The following PTPRD variants were observed in gnomAD, a reference collection of about 807,000 sequenced individuals.
The protein encoded by PTPRD is protein tyrosine phosphatase receptor type D.
In PTPRD, 34 loss-of-function variants were observed where a neutral mutation model predicts 214.5. That is an observed-to-expected ratio of 0.16 (90% CI 0.12 to 0.21). The LOEUF (loss-of-function observed/expected upper bound fraction) is 0.21. Among genes scored for constraint, PTPRD ranks in the 10% least tolerant of loss-of-function variants. The pLI is 1.00. For synonymous variants in PTPRD, 1,128 were observed against 845.7 expected, an observed-to-expected ratio of 1.33 and a Z score of -5.79; for missense variants, 2,545 against 2,398.7, an observed-to-expected ratio of 1.06 and a Z score of -1.27.
chr9:10,192,407 T>C (rs1388523468), intron 3 of PTPRD, among the ~76,000 whole-genome samples: 3 of 126,354 alleles, frequency 2.4e-5, no homozygotes, highest in Non-Finnish European at 4.7e-5. Flanking sequence ...TGAGTATCAC[T>C]GGGTAGAAGT....
intron 14 of PTPRD, among the ~76,000 whole-genome samples, chr9:8,552,251 T>C (rs1401575874): frequency 6.6e-6 from 1 of 152,178 alleles, no homozygotes; most frequent in Non-Finnish European, 1.5e-5. Context: ...GTCACAGATC[T>C]TTGGAAAGTA....
chr9:9,481,442 C>T (rs1314767670), intron 8 of PTPRD, among the ~76,000 whole-genome samples: 4 of 152,064 alleles, frequency 2.6e-5, no homozygotes, highest in Admixed American at 6.6e-5. Context: ...TTCTGTTGTG[C>T]TCAGCAGGGC....
chr9:9,687,385 T>G (rs2097184196), intron 7 of PTPRD, among the ~76,000 whole-genome samples: 1 of 151,766 alleles, frequency 6.6e-6, no homozygotes, highest in African/African-American at 2.4e-5. Flanking sequence ...AAGGGAGGTT[T>G]TATCCTCTTG....
intron 7 of PTPRD, among the ~76,000 whole-genome samples, chr9:9,722,811 A>G (rs1422122061): frequency 6.6e-6 from 1 of 152,042 alleles, no homozygotes; most frequent in Non-Finnish European, 1.5e-5. Flanking sequence ...TTTGTTAACT[A>G]GTGATTTTCA....
At chr9:10,458,207 CA>C (rs2098932069) in intron 2 of PTPRD, among the ~76,000 whole-genome samples, 2 of 152,030 alleles carry the variant, frequency 1.3e-5, no homozygotes, top group South Asian at 4.1e-4. Flanking sequence ...ATGAAGCCAG[CA>C]TCACCTTGAG....
chr9:8,580,402 C>T (rs1041507748), intron 14 of PTPRD, among the ~76,000 whole-genome samples: 11 of 152,184 alleles, frequency 7.2e-5, no homozygotes, highest in Admixed American at 2.0e-4. Context: ...AATTAAGTTT[C>T]TCTTGTAGAA....
intron 8 of PTPRD, among the ~76,000 whole-genome samples, chr9:9,500,381 A>T (rs1251959683): frequency 6.6e-6 from 1 of 152,094 alleles, no homozygotes; most frequent in Non-Finnish European, 1.5e-5. Flanking sequence ...ATTAGGTTCT[A>T]CATTTCCTTG....
intron 5 of PTPRD, among the ~76,000 whole-genome samples, chr9:9,771,107 G>A (rs2098748300): frequency 1.3e-5 from 2 of 152,112 alleles, no homozygotes; most frequent in African/African-American, 2.4e-5. Flanking sequence ...AATGATTTAT[G>A]CACCTTATGC....
At chr9:10,293,858 A>G (rs2095599697) in intron 3 of PTPRD, among the ~76,000 whole-genome samples, 3 of 151,912 alleles carry the variant, frequency 2.0e-5, no homozygotes, top group African/African-American at 7.2e-5. Flanking sequence ...CTTACTACTG[A>G]TTTGTTGAAA....
chr9:10,320,007 C>T (rs913115219), intron 3 of PTPRD, among the ~76,000 whole-genome samples: 4 of 151,950 alleles, frequency 2.6e-5, no homozygotes, highest in African/African-American at 7.2e-5. Context: ...TAATAAAATG[C>T]CTAAAATGCA....
chr9:8,348,247 TTA>T (rs2074420100), intron 39 of PTPRD, among the ~76,000 whole-genome samples: 1 of 152,174 alleles, frequency 6.6e-6, no homozygotes, highest in Non-Finnish European at 1.5e-5. Context: ...GTTTCACAGT[TTA>T]TCTTTCTGAC....
At chr9:10,497,698 A>G (rs2042480659) in intron 2 of PTPRD, among the ~76,000 whole-genome samples, 1 of 152,056 alleles carries the variant, frequency 6.6e-6, no homozygotes, top group Non-Finnish European at 1.5e-5. Context: ...AGAATATAAA[A>G]TTATGTTTAA....
intron 10 of PTPRD, among the ~76,000 whole-genome samples, chr9:9,072,280 TACACACACACACACACACACAC>T (rs201508445): frequency 7.4e-6 from 1 of 135,640 alleles, no homozygotes; most frequent in South Asian, 2.6e-4. Context: ...GCTGGCAACT[TACACACACACACACACACACAC>T]ACACACACAC....
At chr9:8,983,330 T>C (rs1464257648) in intron 11 of PTPRD, among the ~76,000 whole-genome samples, 1 of 152,026 alleles carries the variant, frequency 6.6e-6, no homozygotes, top group African/African-American at 2.4e-5. Flanking sequence ...GTCAAATAAG[T>C]AGGGAAAAAA....
intron 3 of PTPRD, among the ~76,000 whole-genome samples, chr9:10,211,093 G>A (rs2154341571): frequency 6.6e-6 from 1 of 151,702 alleles, no homozygotes; most frequent in Admixed American, 6.6e-5. Context: ...TATATCTTGG[G>A]AAAAAGGGGG....
intron 10 of PTPRD, among the ~76,000 whole-genome samples, chr9:9,057,298 T>C (rs966688334): frequency 6.6e-6 from 1 of 152,148 alleles, no homozygotes; most frequent in Admixed American, 6.6e-5. Flanking sequence ...AATGATATAT[T>C]TTTTTTCTAA....
At chr9:9,612,609 A>G (rs765005370) in intron 7 of PTPRD, among the ~76,000 whole-genome samples, 10 of 152,186 alleles carry the variant, frequency 6.6e-5, no homozygotes, top group Non-Finnish European at 1.0e-4. Flanking sequence ...TGATGGAATC[A>G]TAACCTGTGG....
intron 8 of PTPRD, among the ~76,000 whole-genome samples, chr9:9,468,085 T>A (rs1043080877): frequency 4.6e-5 from 7 of 152,108 alleles, no homozygotes; most frequent in Non-Finnish European, 8.8e-5. Context: ...TTCTTAGGAT[T>A]TGTAGAACTT....
chr9:8,938,051 G>A (rs989372035), intron 11 of PTPRD, among the ~76,000 whole-genome samples: 1 of 152,080 alleles, frequency 6.6e-6, no homozygotes, highest in African/African-American at 2.4e-5. Flanking sequence ...TTTAGAAAAG[G>A]GAGGCAGACA....
Sources: gnomAD v4.1 joint callset for allele counts (sites outside exome capture counted in the v4.1 genomes callset) on GRCh38, gnomAD v4.1.1 for gene constraint, MANE v1.5 for transcripts, NCBI Gene and HGNC (gene_info 2026-07-23, HGNC 2026-07-21) for gene names.